Variants in ABCB1 observed in about 807,000 individuals in gnomAD.
ABCB1 encodes the protein ATP-dependent translocase ABCB1.
In ABCB1, 69 loss-of-function variants were observed where a neutral mutation model predicts 142.0. That is an observed-to-expected ratio of 0.49 (90% CI 0.40 to 0.59). The LOEUF (loss-of-function observed/expected upper bound fraction) is 0.59. Ranked by LOEUF, ABCB1 falls within the 20% of genes least tolerant of loss-of-function variation. The pLI, the probability that ABCB1 is intolerant of heterozygous loss-of-function variation, is 0.00. For missense variants in ABCB1, 1,326 were observed against 1,554.7 expected, an observed-to-expected ratio of 0.85 and a Z score of 2.47; for synonymous variants, 532 against 539.2, an observed-to-expected ratio of 0.99 and a Z score of 0.18.
At chr7:87,701,811 A>C (rs934547823) in intron 1 of ABCB1, among the ~76,000 whole-genome samples, 1 of 152,210 alleles carries the variant, frequency 6.6e-6, no homozygotes, top group African/African-American at 2.4e-5. Flanking sequence ...ATATCTAATT[A>C]TCTTGTAAAG....
intron 1 of ABCB1, among the ~76,000 whole-genome samples, chr7:87,639,789 A>G (rs955346790): frequency 6.6e-6 from 1 of 152,000 alleles, no homozygotes; most frequent in Admixed American, 6.6e-5. Flanking sequence ...TCTTATATTT[A>G]GAGTGTCCTT....
At chr7:87,660,595 A>G (rs2130446297) in intron 1 of ABCB1, among the ~76,000 whole-genome samples, 1 of 152,056 alleles carries the variant, frequency 6.6e-6, no homozygotes, top group African/African-American at 2.4e-5. Context: ...AGTCTTTCAA[A>G]TAACTAATTT....
intron 1 of ABCB1, among the ~76,000 whole-genome samples, 168 bp from the exon 2 acceptor site, chr7:87,600,358 C>A (rs574644127): frequency 3.3e-5 from 5 of 152,322 alleles, no homozygotes; most frequent in African/African-American, 4.8e-5. Flanking sequence ...CTTTCCTGTG[C>A]GCGGGGTCTC....
At chr7:87,578,610 T>C (rs1421564417) in intron 4 of ABCB1, among the ~76,000 whole-genome samples, 1 of 152,164 alleles carries the variant, frequency 6.6e-6, no homozygotes, top group Non-Finnish European at 1.5e-5. Flanking sequence ...ACAGTTTTCA[T>C]TGTAGAGATC....
At chr7:87,583,268 A>G (rs1013684506) in intron 4 of ABCB1, among the ~76,000 whole-genome samples, 2 of 152,210 alleles carry the variant, frequency 1.3e-5, no homozygotes, top group Non-Finnish European at 2.9e-5. Flanking sequence ...TTCTATTGTT[A>G]TCCAACTTAA....
chr7:87,549,099 A>T (rs906430485), intron 14 of ABCB1, among the ~76,000 whole-genome samples: 3 of 152,198 alleles, frequency 2.0e-5, no homozygotes, highest in Admixed American at 2.0e-4. Context: ...AAAGATTAGC[A>T]AGTGTCTTCA....
intron 20 of ABCB1, among the ~76,000 whole-genome samples, chr7:87,532,266 C>T (rs1033994332): frequency 7.2e-5 from 11 of 152,164 alleles, no homozygotes; most frequent in African/African-American, 2.7e-4. Flanking sequence ...AATGCCTGCC[C>T]TGGCCCCAGA....
chr7:87,561,247 A>G lies in ABCB1; in HGVS notation c.827+16T>C, dbSNP rs1426992952. On this transcript the variant is annotated intron_variant, in intron 8 of 27. Transcript: ENST00000622132. ...AGAATTTAACATATCTATCCATTTA[A>G]AAAAGAAACTCAAACCTTTCAAGTT... 6.2e-7 allele frequency: 1 copy of G among 1,613,340 alleles called. No homozygotes were observed. Among genetic ancestry groups the G allele is most frequent in the Admixed American group, 1.7e-5 (1 of 59,938 alleles).
At chr7:87,645,816 T>C (rs1424876502) in intron 1 of ABCB1, among the ~76,000 whole-genome samples, 1 of 152,168 alleles carries the variant, frequency 6.6e-6, no homozygotes, top group Non-Finnish European at 1.5e-5. Context: ...GAAGTGAGTA[T>C]TGAGTGGGAA....
rs370840500 is a variant in ABCB1 at position 87,589,805 on chromosome 7, G to GGAGAGAGAGAGAGAGAGAGAGAGA, written c.118-4149_118-4126dup. On this transcript the variant is annotated intron_variant, in intron 3 of 27. Coordinates refer to ENST00000622132, the MANE Select transcript of ABCB1 (RefSeq NM_001348946.2). ...AAAAAAAGAAAGAGAGAGAGAGAGA[G>GGAGAGAGAGAGAGAGAGAGAGAGA]GAGAGAGAGAGAGAGAGAGAGAGAG... Among the ~76,000 whole-genome samples, 27 of 105,372 alleles carry GGAGAGAGAGAGAGAGAGAGAGAGA rather than the reference G, an allele frequency of 2.6e-4. 1 individual carries two copies. The highest frequency in any genetic ancestry group is 1.3e-3 in the African/African-American group (22 of 17,002). The allele number at this position is 105,372 out of a possible 152,430, so 69.1% of individuals were successfully genotyped here. A position where few individuals can be genotyped will look rare whatever the true frequency, so the allele number is the denominator to read the frequency against.
Position 87,617,439 on chromosome 7 carries a change from A to G in ABCB1, c.-330-16361T>C, listed in dbSNP as rs374038919. 2.6e-4 allele frequency among the ~76,000 whole-genome samples: 39 copies of G among 152,330 alleles called. No homozygotes were observed. In the South Asian group the frequency reaches 7.5e-3, roughly 29 times the overall value. On this transcript the variant is annotated intron_variant, in intron 1 of 28. Transcript: ENST00000265724. Reference sequence around the variant, plus strand: ...GTTTAGAAAACATTTAACAATGACAACATGTGTCCTTCCATCTGAGGCAAA... The same window carrying G: ...GTTTAGAAAACATTTAACAATGACAGCATGTGTCCTTCCATCTGAGGCAAA...
chr7:87,665,894 A>G (rs1191706698), intron 1 of ABCB1, among the ~76,000 whole-genome samples: 2 of 152,142 alleles, frequency 1.3e-5, no homozygotes, highest in Non-Finnish European at 2.9e-5. Context: ...ATAGCTGTAT[A>G]GTACTCCATG....
intron 1 of ABCB1, among the ~76,000 whole-genome samples, chr7:87,632,312 T>C (rs1248130914): frequency 6.6e-6 from 1 of 152,208 alleles, no homozygotes; most frequent in Admixed American, 6.5e-5. Flanking sequence ...AAGTGGGTTG[T>C]TTAGATAGGT....
In ABCB1 at chr7:87,709,387, A is replaced by G. The variant is rs1002848620; in HGVS notation, c.-331+3774T>C. 26 of 985,278 alleles carry G rather than the reference A, an allele frequency of 2.6e-5. No homozygotes were observed. In the African/African-American group the frequency reaches 4.5e-4, roughly 17 times the overall value. The allele number at this position is 985,278 out of a possible 1,614,324, so 61.0% of individuals were successfully genotyped here. ...AGAATTTTGAGACTACTGGCCAGCC[A>G]GTAGCTTGCCTCTTCCTTCCTCTGT... On this transcript the variant is annotated intron_variant, in intron 1 of 28. Coordinates refer to the ABCB1 transcript ENST00000265724.
At position 87,541,491 on chromosome 7, in the gene ABCB1, T is replaced by C. The variant is rs2235063; in HGVS notation, c.2212-27A>G. 7.3e-3 allele frequency: 10,943 copies of C among 1,495,090 alleles called. 66 individuals are homozygous for C. The highest frequency in any genetic ancestry group is 0.017 in the Middle Eastern group (101 of 5,828). 92.6% of individuals were successfully genotyped at this position (1,495,090 alleles called of 1,614,324 possible). A position where few individuals can be genotyped will look rare whatever the true frequency, so the allele number is the denominator to read the frequency against. The stretch of plus-strand genomic sequence containing the variant: ...TGTGAGAAAACATTTAAAGGATTTT[T>C]AGTTCAATCAGTGAAGAACCCATCC... On this transcript the variant is annotated intron_variant, in intron 17 of 27. Transcript: ENST00000622132.
intron 1 of ABCB1, chr7:87,694,100 G>GTTT: frequency 2.6e-5 from 30 of 1,175,582 alleles, no homozygotes; most frequent in South Asian, 1.0e-4. Context: ...GTGTGTTTTT[G>GTTT]TTTTTTTTTT....
At chr7:87,560,631 A>T (rs1446862639) in intron 8 of ABCB1, among the ~76,000 whole-genome samples, 2 of 152,164 alleles carry the variant, frequency 1.3e-5, no homozygotes, top group Admixed American at 6.5e-5. Flanking sequence ...CATAAGATTG[A>T]AGTGTTATAG....
rs184664542 is a variant in ABCB1 at position 87,565,494 on chromosome 7, G to A, written c.702+576C>T. ...ACAGGAGAGAGAGCTGAAGGCCAAG[G>A]ATTTATATGCATCCTTAGGGACTAG... On this transcript the variant is annotated intron_variant, in intron 7 of 27. Transcript: ENST00000622132. The A allele has an allele frequency of 4.6e-3, 2,112 of 454,690 alleles. 7 individuals carry two copies. Among genetic ancestry groups the A allele is most frequent in the Non-Finnish European group, 5.5e-3 (1,243 of 226,332 alleles). 28.2% of individuals were successfully genotyped at this position (454,690 alleles called of 1,614,324 possible). A position where few individuals can be genotyped will look rare whatever the true frequency, so the allele number is the denominator to read the frequency against.
At chr7:87,636,283 G>C (rs569522592) in intron 1 of ABCB1, among the ~76,000 whole-genome samples, 1 of 152,052 alleles carries the variant, frequency 6.6e-6, no homozygotes, top group African/African-American at 2.4e-5. Flanking sequence ...TGTTTGTTGG[G>C]GTGTCACATG....
Sources: gnomAD v4.1 joint callset for allele counts (sites outside exome capture counted in the v4.1 genomes callset) on GRCh38, gnomAD v4.1.1 for gene constraint, MANE v1.5 for transcripts, NCBI Gene and HGNC (gene_info 2026-07-23, HGNC 2026-07-21) for gene names.